The following ZNF609 variants were observed in gnomAD, a reference collection of about 807,000 sequenced individuals.
ZNF609 encodes the protein zinc finger protein 609.
In ZNF609, 11 loss-of-function variants were observed where a neutral mutation model predicts 109.5. That is an observed-to-expected ratio of 0.10 (90% CI 0.06 to 0.17). The LOEUF (loss-of-function observed/expected upper bound fraction) is 0.17. Among genes scored for constraint, ZNF609 ranks in the 10% least tolerant of loss-of-function variants. The pLI is 1.00. For missense variants in ZNF609, 1,559 were observed against 1,772.4 expected, an observed-to-expected ratio of 0.88 and a Z score of 2.16; for synonymous variants, 646 against 662.0, an observed-to-expected ratio of 0.98 and a Z score of 0.37.
intron 2 of ZNF609, chr15:64,529,356 A>G (rs2140370468): frequency 2.7e-6 from 2 of 729,978 alleles, no homozygotes; most frequent in Non-Finnish European, 5.0e-6. Flanking sequence ...AGCCTTCTCC[A>G]TGGTGGTGAA....
At chr15:64,669,334 C>T (rs1896693386) in intron 3 of ZNF609, among the ~76,000 whole-genome samples, 1 of 152,114 alleles carries the variant, frequency 6.6e-6, no homozygotes. Context: ...TCAAATGCTG[C>T]CATTGAAAAG....
intron 1 of ZNF609, among the ~76,000 whole-genome samples, chr15:64,493,807 CT>C (rs2140346572): frequency 6.6e-6 from 1 of 152,326 alleles, no homozygotes; most frequent in African/African-American, 2.4e-5. Context: ...GAGGTCAGTG[CT>C]TTTCGTTTCC....
chr15:64,637,701 C>T (rs1317155509), intron 3 of ZNF609, among the ~76,000 whole-genome samples: 1 of 151,886 alleles, frequency 6.6e-6, no homozygotes, highest in Admixed American at 6.6e-5. Context: ...AGTGTCTGTT[C>T]AAGTCTTTTG....
chr15:64,671,074 G>C (rs1202453507), intron 4 of ZNF609, among the ~76,000 whole-genome samples: 1 of 151,148 alleles, frequency 6.6e-6, no homozygotes, highest in Non-Finnish European at 1.5e-5. Flanking sequence ...GCCGGGCGTG[G>C]TGGCGAGCGT....
intron 1 of ZNF609, among the ~76,000 whole-genome samples, chr15:64,489,865 G>A (rs1038691292): frequency 6.6e-5 from 10 of 152,012 alleles, no homozygotes; most frequent in African/African-American, 2.4e-4. Flanking sequence ...CACCTCCTTA[G>A]CACAAAAAGT....
intron 2 of ZNF609, among the ~76,000 whole-genome samples, chr15:64,580,921 G>T (rs1895090316): frequency 1.4e-5 from 2 of 141,030 alleles, no homozygotes; most frequent in Admixed American, 7.0e-5. Flanking sequence ...ATACTCAGCA[G>T]TTGACAACTC....
At chr15:64,567,831 T>G (rs1894801966) in intron 2 of ZNF609, among the ~76,000 whole-genome samples, 1 of 151,982 alleles carries the variant, frequency 6.6e-6, no homozygotes, top group South Asian at 2.1e-4. Context: ...CCGACTAATT[T>G]TTTGTATTTT....
At chr15:64,593,381 G>C in intron 2 of ZNF609, 1 of 857,676 alleles carries the variant, frequency 1.2e-6, no homozygotes, top group South Asian at 1.4e-5. Flanking sequence ...AAAATAAAAT[G>C]GAAATTGTAC....
chr15:64,658,348 C>T (rs758869924), intron 3 of ZNF609, among the ~76,000 whole-genome samples: 24 of 152,082 alleles, frequency 1.6e-4, no homozygotes, highest in Non-Finnish European at 3.2e-4. Context: ...CAGGCATGCA[C>T]CACCACGCCC....
chr15:64,571,747 G>A (rs1376779168), intron 2 of ZNF609, among the ~76,000 whole-genome samples: 1 of 152,136 alleles, frequency 6.6e-6, no homozygotes, highest in African/African-American at 2.4e-5. Context: ...TTCACTCACT[G>A]CAGCCTCTGC....
chr15:64,666,151 T>C (rs1401936451), intron 3 of ZNF609, among the ~76,000 whole-genome samples: 1 of 151,498 alleles, frequency 6.6e-6, no homozygotes, highest in Non-Finnish European at 1.5e-5. Flanking sequence ...CTCAGCACTT[T>C]GGGAGACCAA....
At chr15:64,625,936 TAGAGAGAGAGAGAGAG>T (rs36226491) in intron 3 of ZNF609, among the ~76,000 whole-genome samples, 208 of 79,520 alleles carry the variant, frequency 2.6e-3, no homozygotes, top group Middle Eastern at 9.1e-3. Flanking sequence ...TATATATATA[TAGAGAGAGAGAGAGAG>T]AGAGAGAGAG....
chr15:64,510,809 C>CT (rs1240372263), intron 2 of ZNF609, among the ~76,000 whole-genome samples: 1 of 151,984 alleles, frequency 6.6e-6, no homozygotes, highest in African/African-American at 2.4e-5. Context: ...ACTCTAATTG[C>CT]TTTTTAAATT....
intron 2 of ZNF609, among the ~76,000 whole-genome samples, chr15:64,557,345 TCTACTC>T (rs552166461): frequency 1.1e-3 from 161 of 152,258 alleles, no homozygotes; most frequent in African/African-American, 3.6e-3. Context: ...AATTTACTCT[TCTACTC>T]CTTCTTCTGC....
At chr15:64,461,258 G>A (rs1482482777) in intron 1 of ZNF609, among the ~76,000 whole-genome samples, 2 of 151,280 alleles carry the variant, frequency 1.3e-5, no homozygotes, top group East Asian at 3.9e-4. Context: ...CAGAGCATAG[G>A]GTCGGAAGCA....
intron 3 of ZNF609, among the ~76,000 whole-genome samples, chr15:64,669,616 C>T (rs1006435862): frequency 2.6e-5 from 4 of 151,984 alleles, no homozygotes; most frequent in Non-Finnish European, 5.9e-5. Context: ...TGGGGACTAC[C>T]TTTTGAATTT....
intron 2 of ZNF609, among the ~76,000 whole-genome samples, chr15:64,620,275 C>T (rs1895857449): frequency 6.6e-6 from 1 of 152,214 alleles, no homozygotes; most frequent in African/African-American, 2.4e-5. Flanking sequence ...GCTTCTGTCA[C>T]AGTTCTTCCC....
chr15:64,499,239 C>A (rs995345641), intron 1 of ZNF609, 54 bp from the exon 2 acceptor site: 1 of 696,610 alleles, frequency 1.4e-6, no homozygotes, highest in Non-Finnish European at 2.3e-6. Flanking sequence ...TTATTTCAGG[C>A]GTCTCTTGCC....
chr15:64,606,686 T>A (rs966175261), intron 2 of ZNF609, among the ~76,000 whole-genome samples: 1 of 152,188 alleles, frequency 6.6e-6, no homozygotes, highest in East Asian at 1.9e-4. Context: ...GCTGGGATTA[T>A]AGGCATGAGC....
Sources: gnomAD v4.1 joint callset for allele counts (sites outside exome capture counted in the v4.1 genomes callset) on GRCh38, gnomAD v4.1.1 for gene constraint, MANE v1.5 for transcripts, NCBI Gene and HGNC (gene_info 2026-07-23, HGNC 2026-07-21) for gene names.